Variants in ZNF384 observed in about 807,000 individuals in gnomAD.
ZNF384 encodes CAG repeat protein 1.
In ZNF384, 20 loss-of-function variants were observed where a neutral mutation model predicts 65.0. The observed-to-expected ratio is 0.31, with a 90% CI of 0.22 to 0.45. The LOEUF (loss-of-function observed/expected upper bound fraction) is 0.45. ZNF384 is among the 20% of genes least tolerant of loss of function. The pLI, the probability that ZNF384 is intolerant of heterozygous loss-of-function variation, is 1.00. For missense variants in ZNF384, 549 were observed against 769.4 expected (o/e 0.71, Z 3.39); for synonymous variants, 310 against 303.9 (o/e 1.02, Z -0.21).
Position 6,666,602 on chromosome 12 carries a change from T to A in ZNF384, c.*1112A>T, listed in dbSNP as rs184448526. On this transcript the variant is annotated 3_prime_UTR_variant, in exon 12 of 12. Coordinates refer to ENST00000683879, the MANE Select transcript of ZNF384 (RefSeq NM_001385745.1). The stretch of plus-strand genomic sequence containing the variant: ...ACAACTGGTTTCCTGATTTTTTTTT[T>A]AATTTCCTTTCCTCTGAAATCTGCC... 878 of 163,570 alleles carry A rather than the reference T, an allele frequency of 5.4e-3. 4 individuals are homozygous for A. The highest frequency in any genetic ancestry group is 0.013 in the African/African-American group (518 of 41,406). The allele number at this position is 163,570 out of a possible 1,614,324, so 10.1% of individuals were successfully genotyped here.
At chr12:6,675,087 T>G (rs1335832117) in intron 7 of ZNF384, among the ~76,000 whole-genome samples, 1 of 152,238 alleles carries the variant, frequency 6.6e-6, no homozygotes, top group African/African-American at 2.4e-5. Context: ...ACATTAAGGT[T>G]AATTTTAAAA....
At chr12:6,671,653 C>T (rs536482594) in intron 9 of ZNF384, 13 of 152,246 alleles carry the variant, frequency 8.5e-5, no homozygotes, top group African/African-American at 2.4e-4. Flanking sequence ...CACAAGAAGC[C>T]GGGTGAGACG....
chr12:6,666,915 G>C lies in ZNF384; in HGVS notation c.*799C>G. On this transcript the variant is annotated 3_prime_UTR_variant, in exon 12 of 12. Coordinates refer to ENST00000683879, the MANE Select transcript of ZNF384 (RefSeq NM_001385745.1). ...GTTTGCCTTGAACTCTCCCTTCTCC[G>C]CAACACCCCTGTTTTGGAGTTTCAC... is the stretch of plus-strand genomic sequence containing the variant. 5.1e-6 allele frequency: 1 copy of C among 197,556 alleles called. No individual in the cohort carries two copies. Among genetic ancestry groups the C allele is most frequent in the South Asian group, 1.9e-4 (1 of 5,220 alleles). 12.2% of individuals were successfully genotyped at this position (197,556 alleles called of 1,614,324 possible). A position where few individuals can be genotyped will look rare whatever the true frequency, so the allele number is the denominator to read the frequency against.
rs188295046 is a variant in ZNF384, at chr12:6,669,209, C to T, written c.1267-20G>A. On this transcript the variant is annotated intron_variant, in intron 10 of 11. Transcript: ENST00000683879. Reference sequence around the variant, plus strand: ...GTGGGACTGAGAAAATTGGGAGAAACCAGAATGAATACATTGTACTCTTTC... The same window carrying T: ...GTGGGACTGAGAAAATTGGGAGAAATCAGAATGAATACATTGTACTCTTTC... 1 of 1,596,612 alleles carries T rather than the reference C, an allele frequency of 6.3e-7. No homozygotes were observed. The highest frequency in any genetic ancestry group is 2.3e-5 in the East Asian group (1 of 43,992).
intron 2 of ZNF384, among the ~76,000 whole-genome samples, chr12:6,685,542 G>A (rs1237364379): frequency 6.6e-6 from 1 of 152,066 alleles, no homozygotes; most frequent in East Asian, 1.9e-4. Context: ...GGAGGCCGAG[G>A]CAGGTGGACT....
intron 11 of ZNF384, among the ~76,000 whole-genome samples, chr12:6,668,652 G>A (rs935926431): frequency 1.4e-5 from 2 of 147,674 alleles, no homozygotes; most frequent in Non-Finnish European, 3.0e-5. Flanking sequence ...ACAGTGAGCC[G>A]AGCCGAGATC....
intron 2 of ZNF384, among the ~76,000 whole-genome samples, chr12:6,681,522 A>G (rs921988168): frequency 6.6e-6 from 1 of 152,196 alleles, no homozygotes; most frequent in African/African-American, 2.4e-5. Flanking sequence ...AGCAAAGCAC[A>G]ACCAAGGTTC....
Position 6,666,813 on chromosome 12 carries a change from T to TTATATATA in ZNF384, c.*893_*900dup, listed in dbSNP as rs1412544409. The TTATATATA allele has an allele frequency of 1.2e-5, 2 of 168,494 alleles. No individual in the cohort carries two copies. Among genetic ancestry groups the TTATATATA allele is most frequent in the Non-Finnish European group, 2.6e-5 (2 of 78,362 alleles). The allele number at this position is 168,494 out of a possible 1,614,324, so 10.4% of individuals were successfully genotyped here. A position where few individuals can be genotyped will look rare whatever the true frequency, so the allele number is the denominator to read the frequency against. ...GCCGTGATGAGTGAGTATAATATAT[T>TTATATATA]TATATATATATATTTATATATAAAT... On this transcript the variant is annotated 3_prime_UTR_variant, in exon 12 of 12. Coordinates refer to ENST00000683879, the MANE Select transcript of ZNF384 (RefSeq NM_001385745.1).
Position 6,673,068 on chromosome 12 carries a change from A to G in ZNF384, c.1004+148T>C, listed in dbSNP as rs1052008191. 2 of 742,002 alleles carry G rather than the reference A, an allele frequency of 2.7e-6. No homozygotes were observed. The highest frequency in any genetic ancestry group is 4.4e-6 in the Non-Finnish European group (2 of 454,826). 46.0% of individuals were successfully genotyped at this position (742,002 alleles called of 1,614,324 possible). A position where few individuals can be genotyped will look rare whatever the true frequency, so the allele number is the denominator to read the frequency against. On this transcript the variant is annotated intron_variant, in intron 8 of 11. Coordinates refer to ENST00000683879, the MANE Select transcript of ZNF384 (RefSeq NM_001385745.1). The surrounding 1 kb of genome is among the most constrained non-coding windows in gnomAD (Gnocchi z 4.7). Reference sequence around the variant, plus strand: ...GCCCCCCAAATAGCTAGGATATATAATTTCCACAGACAGTAATAGGAGGTT... The same window carrying G: ...GCCCCCCAAATAGCTAGGATATATAGTTTCCACAGACAGTAATAGGAGGTT...
chr12:6,675,271 A>G (rs1953057721), intron 7 of ZNF384, among the ~76,000 whole-genome samples: 1 of 152,232 alleles, frequency 6.6e-6, no homozygotes. Context: ...AGTGCCAGGC[A>G]CTAGGTTAGG....
At chr12:6,679,221 G>C (rs777374288) in intron 3 of ZNF384, 38 bp from the exon 4 acceptor site, 1 of 1,519,500 alleles carries the variant, frequency 6.6e-7, no homozygotes, top group Non-Finnish European at 8.9e-7. Context: ...ACCCTCTTCA[G>C]CCTGAGAGGC....
chr12:6,668,850 C>T (rs1018996989), intron 11 of ZNF384, among the ~76,000 whole-genome samples, 181 bp downstream of exon 11: 1 of 152,028 alleles, frequency 6.6e-6, no homozygotes, highest in Non-Finnish European at 1.5e-5. Flanking sequence ...ATTAGGAGAT[C>T]AGGCATCCCC....
At chr12:6,675,351 A>G (rs994925661) in intron 7 of ZNF384, among the ~76,000 whole-genome samples, 1 of 152,240 alleles carries the variant, frequency 6.6e-6, no homozygotes, top group Non-Finnish European at 1.5e-5. Context: ...AGAAAGGAAC[A>G]CAAAGACTCA....
intron 2 of ZNF384, among the ~76,000 whole-genome samples, chr12:6,685,375 G>A (rs1957531634): frequency 6.6e-6 from 1 of 151,774 alleles, no homozygotes; most frequent in South Asian, 2.1e-4. Flanking sequence ...AGAAGAGAAG[G>A]AAAGATATAA....
In ZNF384 at chr12:6,667,948, T is replaced by C. The variant is rs1330697036; in HGVS notation, c.1593A>G (p.Ser531=). The change falls in exon 12 of 12, where the codon TCA becomes TCG. Residue 531 remains serine (S), a synonymous_variant. Coordinates refer to ENST00000683879, the MANE Select transcript of ZNF384 (RefSeq NM_001385745.1). ...AQAQAQASQA[S]QQQQQQQQQQ... is the part of the protein sequence containing the mutation. ...GCTGCTGCTGCTGCTGCTGCTGCTG[T>C]GATGCCTGGGAGGCCTGGGCCTGGG... 6 of 1,606,662 alleles carry C rather than the reference T, an allele frequency of 3.7e-6. No individual in the cohort carries two copies. The highest frequency in any genetic ancestry group is 1.1e-5 in the South Asian group (1 of 89,830).
At chr12:6,686,560 T>C (rs1320764821) in intron 2 of ZNF384, among the ~76,000 whole-genome samples, 1 of 152,200 alleles carries the variant, frequency 6.6e-6, no homozygotes, top group Non-Finnish European at 1.5e-5. Context: ...GGCCAAGACT[T>C]GTGAATTCTA....
chr12:6,666,633 TTA>T lies in ZNF384; in HGVS notation c.*1079_*1080del. The T allele has an allele frequency of 6.3e-6, 1 of 159,312 alleles. No homozygotes were observed. Among genetic ancestry groups the T allele is most frequent in the Non-Finnish European group, 1.3e-5 (1 of 74,796 alleles). 9.9% of individuals were successfully genotyped at this position (159,312 alleles called of 1,614,324 possible). On this transcript the variant is annotated 3_prime_UTR_variant, in exon 12 of 12. Transcript: ENST00000683879. ...CCTTTCCTCTGAAATCTGCCATGAT[TTA>T]AAAAAAAAAAAAAAAGACAAAAAGA...
In ZNF384 at chr12:6,673,273, C is replaced by T. The variant is rs751504882; in HGVS notation, c.947G>A (p.Ser316Asn). The part of the protein sequence containing the change: ...IRIHSGAKPY[S>N]CNFCEKSFRQ... Reference sequence around the variant, plus strand: ...GAAGGATTTCTCACAGAAGTTACAACTGTAGGGCTTAGCCCCTGAGTGTAT... The same window carrying T: ...GAAGGATTTCTCACAGAAGTTACAATTGTAGGGCTTAGCCCCTGAGTGTAT... The change falls in exon 8 of 12, where the codon AGT becomes AAT. Residue 316 changes from serine to asparagine, a missense_variant. Ser to Asn is a conservative substitution (Grantham distance 46). Transcript: ENST00000683879. This position sits in a 1 kb window ranked among gnomAD's most constrained non-coding sequence, Gnocchi z 4.7. The T allele has an allele frequency of 6.2e-7, 1 of 1,613,888 alleles. No homozygotes were observed. Among genetic ancestry groups the T allele is most frequent in the Non-Finnish European group, 8.5e-7 (1 of 1,180,002 alleles).
At chr12:6,674,817 A>G (rs1592379815) in intron 7 of ZNF384, among the ~76,000 whole-genome samples, 1 of 152,352 alleles carries the variant, frequency 6.6e-6, no homozygotes, top group East Asian at 1.9e-4. Flanking sequence ...AGTCAAAGGT[A>G]AGCCAAGTAT....
Sources: gnomAD v4.1 joint callset for allele counts (sites outside exome capture counted in the v4.1 genomes callset) on GRCh38, gnomAD v4.1.1 for gene constraint, Gnocchi (gnomAD v3.1) non-coding constraint, MANE v1.5 for transcripts, NCBI Gene and HGNC (gene_info 2026-07-23, HGNC 2026-07-21) for gene names.